KDM4C: variants seen among roughly 807,000 people sequenced by gnomAD.
KDM4C encodes lysine demethylase 4C.
Under a neutral mutation model 129.3 loss-of-function variants are expected in KDM4C, and 81 were observed. The observed-to-expected ratio is 0.63, with a 90% CI of 0.52 to 0.75. The LOEUF is 0.75. Among genes scored for constraint, KDM4C ranks in the 30% least tolerant of loss-of-function variants. The pLI is 0.00. For synonymous variants in KDM4C, 573 were observed against 456.1 expected (o/e 1.26, Z -3.26); for missense variants, 1,457 against 1,304.0 (o/e 1.12, Z -1.81).
At position 7,015,770 on chromosome 9, in the gene KDM4C, T is replaced by G. The variant is rs1437206452; in HGVS notation, c.2183-83T>G. On this transcript the variant is annotated intron_variant, in intron 14 of 21. Transcript: ENST00000381309. ...ACAGTATGGTAGGCTAGTGTCCCATTTTTATTTATTTCAGTACTGAGATCT... is the reference window on the plus strand; with the variant it reads ...ACAGTATGGTAGGCTAGTGTCCCATGTTTATTTATTTCAGTACTGAGATCT... 3.2e-6 allele frequency: 3 copies of G among 924,002 alleles called. No individual in the cohort carries two copies. In the Admixed American group the frequency reaches 5.6e-5, roughly 17 times the overall value. 57.2% of individuals were successfully genotyped at this position (924,002 alleles called of 1,614,324 possible).
At chr9:6,822,701 A>C (rs1287123228) in intron 4 of KDM4C, among the ~76,000 whole-genome samples, 2 of 152,264 alleles carry the variant, frequency 1.3e-5, no homozygotes, top group Non-Finnish European at 2.9e-5. Context: ...GACGCAGCAC[A>C]GGAGTTTCTT....
At chr9:6,788,791 G>T (rs1200002860) in intron 1 of KDM4C, among the ~76,000 whole-genome samples, 5 of 152,206 alleles carry the variant, frequency 3.3e-5, no homozygotes, top group African/African-American at 1.2e-4. Flanking sequence ...CGCAGAGGGG[G>T]AGTTGGGAAC....
At chr9:6,991,332 C>G (rs896056676) in intron 12 of KDM4C, among the ~76,000 whole-genome samples, 4 of 152,122 alleles carry the variant, frequency 2.6e-5, no homozygotes, top group Non-Finnish European at 5.9e-5. Context: ...ATTTCTCCTG[C>G]CTCAGCCCCG....
At chr9:6,806,914 C>T (rs867188947) in intron 3 of KDM4C, among the ~76,000 whole-genome samples, 1 of 146,670 alleles carries the variant, frequency 6.8e-6, no homozygotes, top group African/African-American at 2.5e-5. Flanking sequence ...CTCCCTCTCC[C>T]TCTCCGTCTC....
chr9:7,045,547 T>C (rs1374371580), intron 15 of KDM4C, among the ~76,000 whole-genome samples: 1 of 152,042 alleles, frequency 6.6e-6, no homozygotes, highest in Non-Finnish European at 1.5e-5. Context: ...ATTTTGCTTG[T>C]TGTGATTCAT....
intron 8 of KDM4C, among the ~76,000 whole-genome samples, chr9:6,970,501 G>C (rs577163896): frequency 6.6e-6 from 1 of 152,280 alleles, no homozygotes; most frequent in East Asian, 1.9e-4. Context: ...TTTGATTAAA[G>C]TGCTGGACTT....
intron 15 of KDM4C, among the ~76,000 whole-genome samples, chr9:7,033,368 G>C (rs986189327): frequency 6.6e-6 from 1 of 152,108 alleles, no homozygotes; most frequent in African/African-American, 2.4e-5. Context: ...CACTGGACAG[G>C]ACTCTCCTCT....
At chr9:6,831,038 C>A (rs1421800332) in intron 4 of KDM4C, among the ~76,000 whole-genome samples, 1 of 152,196 alleles carries the variant, frequency 6.6e-6, no homozygotes, top group East Asian at 1.9e-4. Context: ...TGCTACCATT[C>A]AAGAATTAAG....
At chr9:7,046,480 A>G (rs1045047417) in intron 15 of KDM4C, among the ~76,000 whole-genome samples, 7 of 152,032 alleles carry the variant, frequency 4.6e-5, no homozygotes, top group African/African-American at 1.4e-4. Context: ...TTCCCAGAGC[A>G]CAAGGCTACA....
intron 8 of KDM4C, among the ~76,000 whole-genome samples, chr9:6,923,795 A>G (rs1821976753): frequency 6.6e-6 from 1 of 152,150 alleles, no homozygotes; most frequent in Admixed American, 6.5e-5. Flanking sequence ...TTCCTGTGTC[A>G]ATGACTGCAG....
intron 14 of KDM4C, among the ~76,000 whole-genome samples, chr9:7,015,461 G>A (rs367723503): frequency 6.6e-6 from 1 of 151,956 alleles, no homozygotes; most frequent in East Asian, 1.9e-4. Flanking sequence ...GAGGTTAAAG[G>A]TAGTTAGACT....
intron 18 of KDM4C, among the ~76,000 whole-genome samples, chr9:7,107,149 T>C (rs1837786717): frequency 6.6e-6 from 1 of 152,218 alleles, no homozygotes; most frequent in African/African-American, 2.4e-5. Flanking sequence ...TCGGTGTGTG[T>C]AGTCATGCTG....
At position 7,128,101 on chromosome 9, in the gene KDM4C, T is replaced by A. The variant is rs546771932; in HGVS notation, c.2646T>A (p.Gly882=). 6.2e-7 allele frequency: 1 copy of A among 1,607,646 alleles called. No individual in the cohort carries two copies. The highest frequency in any genetic ancestry group is 2.3e-5 in the East Asian group (1 of 44,392). The change falls in exon 19 of 22, where the codon GGT becomes GGA. Residue 882 remains glycine (G), a synonymous_variant. Coordinates refer to ENST00000381309, the MANE Select transcript of KDM4C (RefSeq NM_015061.6). ...SKACEKVISV[G]QTVITKHRNT... The stretch of plus-strand genomic sequence containing the variant: ...CTTGCGAGAAGGTCATTTCCGTGGG[T>A]CAAACGGTCATCACGAAGCATCGGA...
At chr9:6,735,671 C>T (rs1169842776) in intron 1 of KDM4C, among the ~76,000 whole-genome samples, 1 of 152,200 alleles carries the variant, frequency 6.6e-6, no homozygotes, top group South Asian at 2.1e-4. Flanking sequence ...GGCCTCCTCA[C>T]CCATGTGGAA....
intron 8 of KDM4C, among the ~76,000 whole-genome samples, chr9:6,919,561 A>C (rs189729067): frequency 1.3e-5 from 2 of 149,446 alleles, no homozygotes; most frequent in Admixed American, 1.3e-4. Context: ...CTATCTATCT[A>C]TCTATCTATC....
At chr9:6,907,694 A>C (rs1237987236) in intron 8 of KDM4C, among the ~76,000 whole-genome samples, 1 of 152,248 alleles carries the variant, frequency 6.6e-6, no homozygotes, top group Non-Finnish European at 1.5e-5. Flanking sequence ...GGAAGTAAAC[A>C]GCACTAATAC....
chr9:6,820,876 C>A (rs954688873), intron 4 of KDM4C, among the ~76,000 whole-genome samples: 2 of 151,622 alleles, frequency 1.3e-5, no homozygotes, highest in Non-Finnish European at 1.5e-5. Context: ...CCCCAGCCCC[C>A]CAACCCCCGA....
chr9:7,170,131 G>A, intron 21 of KDM4C: 2 of 1,382,570 alleles, frequency 1.4e-6, no homozygotes, highest in South Asian at 3.0e-5. Context: ...TCTTTGTGTT[G>A]ACATTTATTG....
Position 7,033,572 on chromosome 9 carries a change from G to A in KDM4C, c.2260-13290G>A, listed in dbSNP as rs185684808. On this transcript the variant is annotated intron_variant, in intron 15 of 21. Transcript: ENST00000381309. ...ACAGCATAGCTATGATGTGGAAGCC[G>A]TCCTGTTAGGGAACTGCTGAGTGGC... Among the ~76,000 whole-genome samples, 72 of 152,300 alleles carry A rather than the reference G, an allele frequency of 4.7e-4. 2 individuals carry two copies. Among genetic ancestry groups the A allele is most frequent in the Admixed American group, 4.4e-3 (68 of 15,304 alleles).
Sources: gnomAD v4.1 joint callset for allele counts (sites outside exome capture counted in the v4.1 genomes callset) on GRCh38, gnomAD v4.1.1 for gene constraint, MANE v1.5 for transcripts, NCBI Gene and HGNC (gene_info 2026-07-23, HGNC 2026-07-21) for gene names.